The following FBXO40 variants were observed in gnomAD, a reference collection of about 807,000 sequenced individuals.
FBXO40 encodes the protein F-box only protein 40.
FBXO40 carries 50 observed loss-of-function variants against 49.9 expected under a neutral mutation model. That is an observed-to-expected ratio of 1.00 (90% CI 0.80 to 1.27). The LOEUF (loss-of-function observed/expected upper bound fraction) is 1.27. Ranked by LOEUF, FBXO40 falls within the 50% of genes most tolerant of loss-of-function variation. The pLI is 0.00. For synonymous variants in FBXO40, 340 were observed against 320.2 expected, an observed-to-expected ratio of 1.06 and a Z score of -0.66; for missense variants, 895 against 870.1, an observed-to-expected ratio of 1.03 and a Z score of -0.36.
At chr3:121,594,029 C>G (rs1309170624) in intron 1 of FBXO40, among the ~76,000 whole-genome samples, 1 of 151,958 alleles carries the variant, frequency 6.6e-6, no homozygotes. Context: ...CCACATCCGG[C>G]CAATTTTTGT....
In FBXO40 at chr3:121,621,962, T is replaced by C. The variant is rs1461918005; in HGVS notation, c.533T>C (p.Ile178Thr). ...EMGGAVGGVD[I>T]GLVPHGLSAT... ...GGAGGAGCAGTGGGTGGAGTGGATA[T>C]CGGTTTGGTACCACATGGTCTGTCA... Residue 178 changes from isoleucine (I) to threonine (T), a missense_variant, in exon 3 of 4, where the codon ATC becomes ACC. By Grantham distance (89) the Ile-to-Thr change is moderately conservative. Coordinates refer to ENST00000338040, the MANE Select transcript of FBXO40 (RefSeq NM_016298.4). The C allele has an allele frequency of 2.2e-5, 35 of 1,614,152 alleles. No individual in the cohort carries two copies. The highest frequency in any genetic ancestry group is 2.9e-5 in the Non-Finnish European group (34 of 1,180,026).
chr3:121,608,709 G>A (rs1000493104), intron 1 of FBXO40, among the ~76,000 whole-genome samples: 13 of 152,264 alleles, frequency 8.5e-5, no homozygotes, highest in South Asian at 6.2e-4. Context: ...TAATGTTAGC[G>A]TATTAGCTTC....
Position 121,627,554 on chromosome 3 carries a change from A to G in FBXO40, c.*644A>G. ...ACATGAGGGGCAGAAATGGGATCAC[A>G]GAGTCTGTTGCTAGAATCTTGGCAA... On this transcript the variant is annotated 3_prime_UTR_variant, in exon 4 of 4. Transcript: ENST00000338040. 3.5e-6 allele frequency: 1 copy of G among 285,236 alleles called. No individual in the cohort carries two copies. Among genetic ancestry groups the G allele is most frequent in the Non-Finnish European group, 6.4e-6 (1 of 155,462 alleles). The allele number at this position is 285,236 out of a possible 1,614,324, so 17.7% of individuals were successfully genotyped here. A position where few individuals can be genotyped will look rare whatever the true frequency, so the allele number is the denominator to read the frequency against.
intron 1 of FBXO40, 125 bp downstream of exon 1, chr3:121,593,627 G>A (rs965256212): frequency 1.3e-5 from 2 of 152,242 alleles, no homozygotes; most frequent in African/African-American, 4.8e-5. Flanking sequence ...AATTAGTTAT[G>A]TAAAGATGTG....
intron 1 of FBXO40, among the ~76,000 whole-genome samples, chr3:121,610,833 G>A (rs907257914): frequency 7.2e-5 from 11 of 152,232 alleles, no homozygotes; most frequent in African/African-American, 2.6e-4. Context: ...TAGAGACAGG[G>A]TTTCACCACA....
intron 1 of FBXO40, among the ~76,000 whole-genome samples, chr3:121,609,984 G>A (rs547418608): frequency 2.0e-5 from 3 of 152,366 alleles, no homozygotes; most frequent in South Asian, 4.1e-4. Flanking sequence ...GAAATAAGGT[G>A]TGAAGTCTTG....
At chr3:121,606,368 G>A (rs146197044) in intron 1 of FBXO40, among the ~76,000 whole-genome samples, 36 of 152,330 alleles carry the variant, frequency 2.4e-4, no homozygotes, top group African/African-American at 8.2e-4. Flanking sequence ...CAAGACAAAT[G>A]TACCTAACTG....
At position 121,627,110 on chromosome 3, in the gene FBXO40, C is replaced by CAT. The variant is rs1229208932; in HGVS notation, c.*201_*202dup. 1.8e-6 allele frequency: 1 copy of CAT among 553,426 alleles called. No individual in the cohort carries two copies. The highest frequency in any genetic ancestry group is 3.2e-5 in the Admixed American group (1 of 31,284). 34.3% of individuals were successfully genotyped at this position (553,426 alleles called of 1,614,324 possible). On this transcript the variant is annotated 3_prime_UTR_variant, in exon 4 of 4. Transcript: ENST00000338040. ...AGCCATGTCTTGTACCATAGTGCCA[C>CAT]ATTGATGACTTGTTTCCTTTTTTCT...
At chr3:121,594,235 CTG>C (rs71621663) in intron 1 of FBXO40, among the ~76,000 whole-genome samples, 24,359 of 151,922 alleles carry the variant, frequency 0.16, 2,424 homozygotes, top group Admixed American at 0.33. Flanking sequence ...GAGTCTCACT[CTG>C]TTGCCCAGGC....
intron 3 of FBXO40, 75 bp downstream of exon 3, chr3:121,623,418 C>T: frequency 7.6e-7 from 1 of 1,314,062 alleles, no homozygotes; most frequent in Admixed American, 2.3e-5. Context: ...GGTTCTCTCT[C>T]TGTTGCCCAG....
At chr3:121,606,901 G>A (rs944907018) in intron 1 of FBXO40, among the ~76,000 whole-genome samples, 17 of 152,256 alleles carry the variant, frequency 1.1e-4, no homozygotes, top group African/African-American at 4.1e-4. Context: ...TATGCCTGCC[G>A]TGAAAGAGGG....
At chr3:121,615,314 A>G (rs1365546226) in intron 1 of FBXO40, among the ~76,000 whole-genome samples, 1 of 151,968 alleles carries the variant, frequency 6.6e-6, no homozygotes, top group Non-Finnish European at 1.5e-5. Context: ...CTCTACTTAT[A>G]AGAAACCCGA....
intron 1 of FBXO40, among the ~76,000 whole-genome samples, chr3:121,616,816 A>G (rs2049000122): frequency 6.6e-6 from 1 of 152,244 alleles, no homozygotes; most frequent in South Asian, 2.1e-4. Context: ...GGACTGTTCC[A>G]GATTAAAGAG....
chr3:121,599,393 G>A lies in FBXO40; in HGVS notation c.-31+5891G>A, dbSNP rs561040968. 2.7e-5 allele frequency among the ~76,000 whole-genome samples: 4 copies of A among 150,678 alleles called. No homozygotes were observed. The Admixed American group carries it at 2.7e-4, about 10-fold the overall frequency. On this transcript the variant is annotated intron_variant, in intron 1 of 3. Transcript: ENST00000338040. ...TGAGGAAGGAGAGTCACTTGAACCA[G>A]GGAGGTGGAGGTTGCAGTAAGCCAA...
At chr3:121,612,713 G>A (rs570070275) in intron 1 of FBXO40, among the ~76,000 whole-genome samples, 11 of 152,076 alleles carry the variant, frequency 7.2e-5, no homozygotes, top group African/African-American at 2.7e-4. Flanking sequence ...AGGGGCCGCT[G>A]TAACACCTGA....
Position 121,621,431 on chromosome 3 carries a change from A to G in FBXO40, c.4-2A>G. On this transcript the variant is annotated splice_acceptor_variant, in intron 2 of 3. Transcript: ENST00000338040. LOFTEE classifies it high-confidence loss of function. ...TCTTCCCCCTGTCCTTGGTGTGTCC[A>G]GGGGAAAGCCCGCAGATCCCCGCCA... 2 of 1,610,656 alleles carry G rather than the reference A, an allele frequency of 1.2e-6. No homozygotes were observed. The highest frequency in any genetic ancestry group is 2.2e-5 in the South Asian group (2 of 90,372).
chr3:121,624,075 C>T (rs935514788), intron 3 of FBXO40, among the ~76,000 whole-genome samples: 3 of 150,100 alleles, frequency 2.0e-5, no homozygotes, highest in African/African-American at 4.9e-5. Context: ...ACCGCAACCT[C>T]TGCCTCCCAG....
chr3:121,605,468 C>T (rs1017957224), intron 1 of FBXO40, among the ~76,000 whole-genome samples: 1 of 152,188 alleles, frequency 6.6e-6, no homozygotes, highest in Non-Finnish European at 1.5e-5. Context: ...AGGAATCCAT[C>T]CCATGACACA....
At chr3:121,610,113 C>T (rs1429216036) in intron 1 of FBXO40, among the ~76,000 whole-genome samples, 1 of 152,198 alleles carries the variant, frequency 6.6e-6, no homozygotes, top group Non-Finnish European at 1.5e-5. Context: ...TTGGTTTACA[C>T]CCAGGACACA....
Sources: allele counts gnomAD v4.1 joint callset (sites outside exome capture counted in the v4.1 genomes callset), GRCh38; gene constraint gnomAD v4.1.1; transcripts MANE v1.5; gene names NCBI Gene and HGNC (gene_info 2026-07-23, HGNC 2026-07-21).